The following C16orf54 variants were observed in gnomAD, a reference collection of about 807,000 sequenced individuals.
C16orf54 encodes transmembrane protein C16orf54.
Under a neutral mutation model 3.9 loss-of-function variants are expected in C16orf54, and 2 were observed. The ratio of observed to expected loss-of-function variants is 0.52; its 90% CI spans 0.21 to 1.63. The LOEUF is 1.63. Among genes scored for constraint, C16orf54 ranks in the 40% most tolerant of loss-of-function variants. C16orf54 has a pLI of 0.21. For missense variants in C16orf54, 272 were observed against 326.3 expected, an observed-to-expected ratio of 0.83 and a Z score of 1.28; for synonymous variants, 128 against 135.1, an observed-to-expected ratio of 0.95 and a Z score of 0.37.
At chr16:29,745,040 C>T in intron 1 of C16orf54, 89 bp from the exon 2 acceptor site, 1 of 1,284,424 alleles carries the variant, frequency 7.8e-7, no homozygotes, top group Non-Finnish European at 9.9e-7. Context: ...TCCAGGAAAG[C>T]CTGGGAGAAG....
Position 29,744,510 on chromosome 16 carries a change from G to A in C16orf54, c.442C>T (p.Arg148Trp). The A allele has an allele frequency of 2.0e-6, 3 of 1,534,852 alleles. No individual in the cohort carries two copies. The highest frequency in any genetic ancestry group is 2.5e-5 in the East Asian group (1 of 40,720). The change falls in exon 2 of 2, where the codon CGG becomes TGG. Residue 148 changes from arginine to tryptophan, a missense_variant. Physicochemically the swap from Arg to Trp is moderately radical, Grantham distance 101. Coordinates refer to ENST00000329410, the MANE Select transcript of C16orf54 (RefSeq NM_175900.4). This position sits in a 1 kb window ranked among gnomAD's most constrained non-coding sequence, Gnocchi z 7.1. ...GGCTGGGGCCCCCAGAAGGTGCTCC[G>A]GGCTGGGACCTCCAGTACGGTCTGG... ...GPQTVLEVPA[R>W]STFWGPQPWE... is the part of the protein sequence containing the mutation.
rs755076456 is a variant in C16orf54 at position 29,744,844 on chromosome 16, C to A, written c.108G>T (p.Leu36=). Residue 36 remains leucine (L), a synonymous_variant, in exon 2 of 2, where the codon CTG becomes CTT. Coordinates refer to ENST00000329410, the MANE Select transcript of C16orf54 (RefSeq NM_175900.4). The surrounding 1 kb of genome is among the most constrained non-coding windows in gnomAD (Gnocchi z 7.1). The part of the protein sequence containing the change: ...LPCGPCIPIM[L]VLATLAALFI... ...AGAGCGCAGCCAGGGTGGCCAGGAC[C>A]AGCATGATGGGGATGCAGGGCCCAC... 10 of 1,480,226 alleles carry A rather than the reference C, an allele frequency of 6.8e-6. No homozygotes were observed. Among genetic ancestry groups the A allele is most frequent in the South Asian group, 4.4e-5 (3 of 68,724 alleles). The allele number at this position is 1,480,226 out of a possible 1,614,324, so 91.7% of individuals were successfully genotyped here. A position where few individuals can be genotyped will look rare whatever the true frequency, so the allele number is the denominator to read the frequency against.
rs886808736 is a variant in C16orf54 at position 29,743,874 on chromosome 16, G to A, written c.*403C>T. ...CTGTCATCTCCTGCCAGCTGTCATC[G>A]CCACACCGAGGCTGTTCAGCACCGC... On this transcript the variant is annotated 3_prime_UTR_variant, in exon 2 of 2. Transcript: ENST00000329410. 2.9e-5 allele frequency: 6 copies of A among 207,626 alleles called. No individual in the cohort carries two copies. Among genetic ancestry groups the A allele is most frequent in the South Asian group, 7.4e-5 (1 of 13,534 alleles). The allele number at this position is 207,626 out of a possible 1,614,324, so 12.9% of individuals were successfully genotyped here. A position where few individuals can be genotyped will look rare whatever the true frequency, so the allele number is the denominator to read the frequency against.
rs1487999059 is a variant in C16orf54, at chr16:29,744,227, T to TCC, written c.*48_*49dup. 21 of 1,523,736 alleles carry TCC rather than the reference T, an allele frequency of 1.4e-5. No individual in the cohort carries two copies. Among genetic ancestry groups the TCC allele is most frequent in the Non-Finnish European group, 1.8e-5 (20 of 1,107,384 alleles). 94.4% of individuals were successfully genotyped at this position (1,523,736 alleles called of 1,614,324 possible). A position where few individuals can be genotyped will look rare whatever the true frequency, so the allele number is the denominator to read the frequency against. On this transcript the variant is annotated 3_prime_UTR_variant, in exon 2 of 2. Transcript: ENST00000329410. The surrounding 1 kb of genome is among the most constrained non-coding windows in gnomAD (Gnocchi z 7.1). ...TAATGCTGGATCCTGGGGTCCCCGG[T>TCC]CCCACTGAGGCAAGGCCTGCCTCGG...
Position 29,744,896 on chromosome 16 carries a change from T to TCCCATGCGGGGGGCCCCTC in C16orf54, c.37_55dup (p.Glu19GlyfsTer42). On this transcript the variant is annotated frameshift_variant, in exon 2 of 2. Transcript: ENST00000329410. LOFTEE classifies it low-confidence loss of function (END_TRUNC). This position sits in a 1 kb window ranked among gnomAD's most constrained non-coding sequence, Gnocchi z 7.1. ...GGGCAGTGAGGGCCATGGGGCTGCT[T>TCCCATGCGGGGGGCCCCTC]CCCATGCGGGGGGCCCCTCCACGCG... 1 of 1,463,486 alleles carries TCCCATGCGGGGGGCCCCTC rather than the reference T, an allele frequency of 6.8e-7. No homozygotes were observed. Among genetic ancestry groups the TCCCATGCGGGGGGCCCCTC allele is most frequent in the Non-Finnish European group, 9.0e-7 (1 of 1,110,020 alleles). 90.7% of individuals were successfully genotyped at this position (1,463,486 alleles called of 1,614,324 possible).
At chr16:29,745,103 C>T (rs563219072) in intron 1 of C16orf54, 152 bp from the exon 2 acceptor site, 13 of 808,754 alleles carry the variant, frequency 1.6e-5, no homozygotes, top group Middle Eastern at 4.0e-4. Flanking sequence ...GAGGTCGAGG[C>T]GGGAGGATCA....
At chr16:29,745,675 T>C (rs1025558450) in intron 1 of C16orf54, among the ~76,000 whole-genome samples, 5 of 152,106 alleles carry the variant, frequency 3.3e-5, no homozygotes, top group Non-Finnish European at 5.9e-5. Context: ...CGCTGGCCCC[T>C]TGAGGCTCCT....
chr16:29,744,664 A>G lies in C16orf54; in HGVS notation c.288T>C (p.Tyr96=). The G allele has an allele frequency of 6.8e-7, 1 of 1,473,788 alleles. No homozygotes were observed. Among genetic ancestry groups the G allele is most frequent in the East Asian group, 2.4e-5 (1 of 41,016 alleles). The allele number at this position is 1,473,788 out of a possible 1,614,324, so 91.3% of individuals were successfully genotyped here. A position where few individuals can be genotyped will look rare whatever the true frequency, so the allele number is the denominator to read the frequency against. ...CTGTCAGCAGGGGGACCGCAGAGCC[A>G]TACCAGTCCTCAGAGCGCTCTCGGG... ...GTARERSEDW[Y]GSAVPLLTDR... Residue 96 remains tyrosine, a synonymous_variant, in exon 2 of 2, where the codon TAT becomes TAC. Coordinates refer to ENST00000329410, the MANE Select transcript of C16orf54 (RefSeq NM_175900.4). This position sits in a 1 kb window ranked among gnomAD's most constrained non-coding sequence, Gnocchi z 7.1.
In C16orf54 at chr16:29,744,801, CA is replaced by C. The variant is rs746268461; in HGVS notation, c.150del (p.Val51CysfsTer53). 2 of 1,472,060 alleles carry C rather than the reference CA, an allele frequency of 1.4e-6. No individual in the cohort carries two copies. Among genetic ancestry groups the C allele is most frequent in the Non-Finnish European group, 1.8e-6 (2 of 1,115,420 alleles). 91.2% of individuals were successfully genotyped at this position (1,472,060 alleles called of 1,614,324 possible). On this transcript the variant is annotated frameshift_variant, in exon 2 of 2. Coordinates refer to ENST00000329410, the MANE Select transcript of C16orf54 (RefSeq NM_175900.4). LOFTEE classifies it low-confidence loss of function (END_TRUNC). This position sits in a 1 kb window ranked among gnomAD's most constrained non-coding sequence, Gnocchi z 7.1. ...CGGCGGAACAGGCGTTCAGCCAACA[CA>C]GCGGTGGTGAGGATGAAGAGCGCAG... ...TLAALFILTTAVLAERLFRRA... is the reference protein window; with the variant it reads ...TLAALFILTTXVLAERLFRRA...
Position 29,744,242 on chromosome 16 carries a change from G to T in C16orf54, c.*35C>A. ...GGGTCCCCGGTCCCACTGAGGCAAG[G>T]CCTGCCTCGGGGATCTCTGGGGAAC... On this transcript the variant is annotated 3_prime_UTR_variant, in exon 2 of 2. Coordinates refer to ENST00000329410, the MANE Select transcript of C16orf54 (RefSeq NM_175900.4). This position sits in a 1 kb window ranked among gnomAD's most constrained non-coding sequence, Gnocchi z 7.1. 1.3e-6 allele frequency: 2 copies of T among 1,579,576 alleles called. No individual in the cohort carries two copies. Among genetic ancestry groups the T allele is most frequent in the Non-Finnish European group, 1.7e-6 (2 of 1,152,602 alleles).
In C16orf54 at chr16:29,744,035, G is replaced by A. The variant is rs1238035900; in HGVS notation, c.*242C>T. On this transcript the variant is annotated 3_prime_UTR_variant, in exon 2 of 2. Coordinates refer to ENST00000329410, the MANE Select transcript of C16orf54 (RefSeq NM_175900.4). The surrounding 1 kb of genome is among the most constrained non-coding windows in gnomAD (Gnocchi z 7.1). ...TGCGATCTTGAAGGCTTCTGGCCTG[G>A]CATTGGCTCCACCCCCAGGTCTCTG... 1.0e-5 allele frequency: 6 copies of A among 581,668 alleles called. No homozygotes were observed. Among genetic ancestry groups the A allele is most frequent in the Non-Finnish European group, 1.8e-5 (6 of 330,696 alleles). The allele number at this position is 581,668 out of a possible 1,614,324, so 36.0% of individuals were successfully genotyped here.
At chr16:29,745,075 G>A in intron 1 of C16orf54, 124 bp from the exon 2 acceptor site, 2 of 1,076,902 alleles carry the variant, frequency 1.9e-6, no homozygotes, top group Non-Finnish European at 1.2e-6. Context: ...GCTCATGCCT[G>A]GAATCCCAGC....
chr16:29,745,039 G>T, intron 1 of C16orf54, 88 bp from the exon 2 acceptor site: 1 of 1,285,474 alleles, frequency 7.8e-7, no homozygotes, highest in East Asian at 3.0e-5. Flanking sequence ...GTCCAGGAAA[G>T]CCTGGGAGAA....
chr16:29,744,820 G>A lies in C16orf54; in HGVS notation c.132C>T (p.Leu44=). 3.4e-6 allele frequency: 5 copies of A among 1,476,554 alleles called. No homozygotes were observed. The highest frequency in any genetic ancestry group is 4.5e-6 in the Non-Finnish European group (5 of 1,118,080). The allele number at this position is 1,476,554 out of a possible 1,614,324, so 91.5% of individuals were successfully genotyped here. Residue 44 remains leucine (L), a synonymous_variant, in exon 2 of 2, where the codon CTC becomes CTT. Coordinates refer to ENST00000329410, the MANE Select transcript of C16orf54 (RefSeq NM_175900.4). The surrounding 1 kb of genome is among the most constrained non-coding windows in gnomAD (Gnocchi z 7.1). ...IMLVLATLAA[L]FILTTAVLAE... ...CCAACACAGCGGTGGTGAGGATGAA[G>A]AGCGCAGCCAGGGTGGCCAGGACCA...
Position 29,744,086 on chromosome 16 carries a change from A to T in C16orf54, c.*191T>A. On this transcript the variant is annotated 3_prime_UTR_variant, in exon 2 of 2. Transcript: ENST00000329410. This position sits in a 1 kb window ranked among gnomAD's most constrained non-coding sequence, Gnocchi z 7.1. Reference sequence around the variant, plus strand: ...AGCCACAGCCCAGGTAGCTGAGCAGAGGCACTGCTGGGCTTCCCCTAGTCC... The same window carrying T: ...AGCCACAGCCCAGGTAGCTGAGCAGTGGCACTGCTGGGCTTCCCCTAGTCC... 2 of 624,568 alleles carry T rather than the reference A, an allele frequency of 3.2e-6. No homozygotes were observed. Among genetic ancestry groups the T allele is most frequent in the Non-Finnish European group, 5.7e-6 (2 of 353,208 alleles). 38.7% of individuals were successfully genotyped at this position (624,568 alleles called of 1,614,324 possible).
chr16:29,744,687 G>C lies in C16orf54; in HGVS notation c.265C>G (p.Arg89Gly). 6.8e-7 allele frequency: 1 copy of C among 1,470,356 alleles called. No homozygotes were observed. Among genetic ancestry groups the C allele is most frequent in the Non-Finnish European group, 9.0e-7 (1 of 1,111,862 alleles). The allele number at this position is 1,470,356 out of a possible 1,614,324, so 91.1% of individuals were successfully genotyped here. ...CCATACCAGTCCTCAGAGCGCTCTCGGGCGGTGCCCATGGGCTCAATCCAC... is the reference window on the plus strand; with the variant it reads ...CCATACCAGTCCTCAGAGCGCTCTCCGGCGGTGCCCATGGGCTCAATCCAC... ...ELWIEPMGTA[R>G]ERSEDWYGSA... Residue 89 changes from arginine to glycine, a missense_variant, in exon 2 of 2, where the codon CGA becomes GGA. Physicochemically the swap from Arg to Gly is moderately radical, Grantham distance 125 (BLOSUM62 -2). Coordinates refer to ENST00000329410, the MANE Select transcript of C16orf54 (RefSeq NM_175900.4). The surrounding 1 kb of genome is among the most constrained non-coding windows in gnomAD (Gnocchi z 7.1).
rs1425824472 is a variant in C16orf54, at chr16:29,742,847, G to A, written c.*1430C>T. ...TGCCTGTAGTTCCACCTACTAGGGA[G>A]ACTGAGGTGGGAGGATCACTTAAGC... On this transcript the variant is annotated 3_prime_UTR_variant, in exon 2 of 2. Transcript: ENST00000329410. 2.0e-5 allele frequency: 3 copies of A among 152,086 alleles called. No homozygotes were observed. The highest frequency in any genetic ancestry group is 4.4e-5 in the Non-Finnish European group (3 of 68,052). 9.4% of individuals were successfully genotyped at this position (152,086 alleles called of 1,614,324 possible).
chr16:29,744,386 C>T lies in C16orf54; in HGVS notation c.566G>A (p.Arg189Lys), dbSNP rs1211737908. The change falls in exon 2 of 2, where the codon AGG becomes AAG. Residue 189 changes from arginine to lysine, a missense_variant. Transcript: ENST00000329410. The surrounding 1 kb of genome is among the most constrained non-coding windows in gnomAD (Gnocchi z 7.1). ...AGGATCCGGGCTCCCTGGCCGCTGC[C>T]TCCTGGCCTGGGGGCTCCCAAACTG... ...SVQFGSPQAR[R>K]QRPGSPDPEW... 2 of 1,607,990 alleles carry T rather than the reference C, an allele frequency of 1.2e-6. No homozygotes were observed. Among genetic ancestry groups the T allele is most frequent in the South Asian group, 1.1e-5 (1 of 90,188 alleles).
Position 29,743,915 on chromosome 16 carries a change from T to A in C16orf54, c.*362A>T, listed in dbSNP as rs1459679333. 2 of 299,602 alleles carry A rather than the reference T, an allele frequency of 6.7e-6. No individual in the cohort carries two copies. Among genetic ancestry groups the A allele is most frequent in the Non-Finnish European group, 1.3e-5 (2 of 158,710 alleles). 18.6% of individuals were successfully genotyped at this position (299,602 alleles called of 1,614,324 possible). On this transcript the variant is annotated 3_prime_UTR_variant, in exon 2 of 2. Transcript: ENST00000329410. ...TCAGCACCGCAGGACCCGTTCTCTT[T>A]GGTATTGGTGGCTTCGGTAAACACT... is the stretch of plus-strand genomic sequence containing the variant.
Sources: allele counts gnomAD v4.1 joint callset (sites outside exome capture counted in the v4.1 genomes callset), GRCh38; gene constraint gnomAD v4.1.1; non-coding constraint Gnocchi (gnomAD v3.1); transcripts MANE v1.5; gene names NCBI Gene and HGNC (gene_info 2026-07-23, HGNC 2026-07-21).